NBEAL1: variants seen among roughly 807,000 people sequenced by gnomAD.
NBEAL1 encodes neurobeachin-like protein 1.
A neutral mutation model predicts 351.3 loss-of-function variants in NBEAL1; 273 were observed. That is an observed-to-expected ratio of 0.78 (90% CI 0.70 to 0.86). NBEAL1 has a LOEUF of 0.86. Among genes scored for constraint, NBEAL1 ranks in the 40% least tolerant of loss-of-function variants. The pLI, the probability that NBEAL1 is intolerant of heterozygous loss-of-function variation, is 0.00. For synonymous variants in NBEAL1, 1,050 were observed against 1,086.4 expected, an observed-to-expected ratio of 0.97 and a Z score of 0.66; for missense variants, 2,961 against 3,201.3, an observed-to-expected ratio of 0.92 and a Z score of 1.81.
intron 2 of NBEAL1, among the ~76,000 whole-genome samples, chr2:203,020,279 T>C (rs963338012): frequency 6.6e-6 from 1 of 152,232 alleles, no homozygotes; most frequent in Non-Finnish European, 1.5e-5. Flanking sequence ...TTTGTAAACC[T>C]TATGTTGTTA....
chr2:203,205,878 G>GA (rs1416927207), intron 51 of NBEAL1, among the ~76,000 whole-genome samples: 5 of 152,226 alleles, frequency 3.3e-5, no homozygotes, highest in African/African-American at 1.2e-4. Context: ...TACTCACAGG[G>GA]AAAGACAAAT....
intron 19 of NBEAL1, among the ~76,000 whole-genome samples, chr2:203,122,757 T>C (rs2062857268): frequency 6.6e-6 from 1 of 152,224 alleles, no homozygotes; most frequent in Non-Finnish European, 1.5e-5. Context: ...TTCTACTTAC[T>C]TTCCAAGACC....
chr2:203,058,025 G>A (rs924036692), intron 6 of NBEAL1, among the ~76,000 whole-genome samples: 1 of 151,648 alleles, frequency 6.6e-6, no homozygotes, highest in Non-Finnish European at 1.5e-5. Flanking sequence ...TATATTTTTA[G>A]TAGAGACGGG....
In NBEAL1 at chr2:203,056,445, A is replaced by G; in HGVS notation, c.324A>G (p.Glu108=). 1 of 1,546,586 alleles carries G rather than the reference A, an allele frequency of 6.5e-7. No homozygotes were observed. The highest frequency in any genetic ancestry group is 8.8e-7 in the Non-Finnish European group (1 of 1,141,104). Residue 108 remains glutamate (E), a synonymous_variant, in exon 5 of 56, where the codon GAA becomes GAG. Coordinates refer to ENST00000683969, the MANE Select transcript of NBEAL1 (RefSeq NM_001378026.1). ...IILCRNLSNV[E]EIGTCSYINY... is the part of the protein sequence containing the mutation. Reference sequence around the variant, plus strand: ...CTCACAGAAATCTATCAAATGTGGAAGAAATTGGGACTTGCTCGTACATTA... The same window carrying G: ...CTCACAGAAATCTATCAAATGTGGAGGAAATTGGGACTTGCTCGTACATTA...
intron 51 of NBEAL1, among the ~76,000 whole-genome samples, chr2:203,206,675 C>A (rs2065581061): frequency 6.6e-6 from 1 of 151,988 alleles, no homozygotes. Context: ...CCAGCCTCGG[C>A]CTCCCGAGGT....
intron 2 of NBEAL1, among the ~76,000 whole-genome samples, chr2:203,019,876 C>G (rs1004929212): frequency 6.6e-6 from 1 of 151,936 alleles, no homozygotes; most frequent in African/African-American, 2.4e-5. Context: ...TGACTAAAGT[C>G]CTTTAAGTAG....
intron 36 of NBEAL1, among the ~76,000 whole-genome samples, chr2:203,160,782 G>T (rs2063932078): frequency 2.6e-5 from 4 of 152,152 alleles, no homozygotes; most frequent in Admixed American, 1.3e-4. Flanking sequence ...TGCCAATGAC[G>T]TCTCTATTCA....
At chr2:203,093,258 A>G (rs112241739) in intron 10 of NBEAL1, among the ~76,000 whole-genome samples, 4,142 of 129,800 alleles carry the variant, frequency 0.032, 235 homozygotes, top group African/African-American at 0.11. Context: ...AAAAAAAAAA[A>G]GAATCTGCTT....
chr2:203,144,887 A>G lies in NBEAL1; in HGVS notation c.5136A>G (p.Gln1712=), dbSNP rs766519245. ...FQEYCNSNEW[Q]VYIEKYIVPY... ...AATATTGTAATTCAAATGAATGGCA[A>G]GTTTACATTGAAAAATATGTAAGTT... Residue 1712 remains glutamine (Q), a synonymous_variant, in exon 32 of 56, where the codon CAA becomes CAG. Coordinates refer to ENST00000683969, the MANE Select transcript of NBEAL1 (RefSeq NM_001378026.1). The G allele has an allele frequency of 3.1e-6, 5 of 1,589,410 alleles. No homozygotes were observed. Among genetic ancestry groups the G allele is most frequent in the Non-Finnish European group, 3.4e-6 (4 of 1,171,136 alleles).
intron 51 of NBEAL1, among the ~76,000 whole-genome samples, chr2:203,206,448 G>A (rs530493344): frequency 2.6e-5 from 4 of 151,204 alleles, no homozygotes; most frequent in East Asian, 3.9e-4. Flanking sequence ...TCTTTCCACC[G>A]TCTTCCTCTG....
At chr2:203,195,592 T>C (rs2065218919) in intron 47 of NBEAL1, among the ~76,000 whole-genome samples, 1 of 152,186 alleles carries the variant, frequency 6.6e-6, no homozygotes, top group African/African-American at 2.4e-5. Flanking sequence ...GTTGTAGTCA[T>C]GGCTAAGATT....
intron 48 of NBEAL1, among the ~76,000 whole-genome samples, 194 bp from the exon 49 acceptor site, chr2:203,199,144 A>G (rs145235539): frequency 2.0e-4 from 30 of 152,340 alleles, no homozygotes; most frequent in South Asian, 1.5e-3. Flanking sequence ...CCTGGCTCCA[A>G]AAATAAAAGA....
At chr2:203,216,336 T>C (rs1575142534) in intron 55 of NBEAL1, among the ~76,000 whole-genome samples, 1 of 152,186 alleles carries the variant, frequency 6.6e-6, no homozygotes, top group African/African-American at 2.4e-5. Flanking sequence ...AAAATTACTT[T>C]CTTTTCATCA....
At position 203,135,915 on chromosome 2, in the gene NBEAL1, C is replaced by T. The variant is rs1318624448; in HGVS notation, c.4052C>T (p.Ala1351Val). The T allele has an allele frequency of 6.2e-7, 1 of 1,614,060 alleles. No individual in the cohort carries two copies. The highest frequency in any genetic ancestry group is 8.5e-7 in the Non-Finnish European group (1 of 1,180,024). Residue 1351 changes from alanine to valine, a missense_variant, in exon 28 of 56, where the codon GCT becomes GTT. Physicochemically the swap from Ala to Val is moderately conservative, Grantham distance 64. Transcript: ENST00000683969. ...DEEKITSFAS[A>V]NVSSDQWSLE... Reference sequence around the variant, plus strand: ...GAAAAAATCACCTCTTTTGCCTCAGCTAATGTGTCTTCGGATCAGTGGAGT... The same window carrying T: ...GAAAAAATCACCTCTTTTGCCTCAGTTAATGTGTCTTCGGATCAGTGGAGT...
chr2:203,032,685 T>TTA (rs1410121533), intron 2 of NBEAL1, among the ~76,000 whole-genome samples: 1 of 145,306 alleles, frequency 6.9e-6, no homozygotes, highest in South Asian at 2.3e-4. Flanking sequence ...TTTTTTTTTT[T>TTA]AGACAGAGTC....
In NBEAL1 at chr2:203,217,261, AG is replaced by A. The variant is rs1448177073; in HGVS notation, c.8081del (p.Gly2694ValfsTer39). On this transcript the variant is annotated frameshift_variant, in exon 56 of 56. Coordinates refer to ENST00000683969, the MANE Select transcript of NBEAL1 (RefSeq NM_001378026.1). LOFTEE classifies it high-confidence loss of function. ...GVGKPAEMRS[G>X]QLSRKFWGSS... ...TGGATTACTTTACACAGATGCGTTC[AG>A]GTCAGCTTTCTCGAAAATTTTGGGG... The A allele has an allele frequency of 6.3e-7, 1 of 1,590,378 alleles. No homozygotes were observed. Among genetic ancestry groups the A allele is most frequent in the African/African-American group, 1.4e-5 (1 of 73,950 alleles).
intron 41 of NBEAL1, among the ~76,000 whole-genome samples, chr2:203,173,081 T>G (rs2064375121): frequency 6.6e-6 from 1 of 152,172 alleles, no homozygotes; most frequent in Non-Finnish European, 1.5e-5. Flanking sequence ...TAAATTGATA[T>G]TGCTCAGAAT....
chr2:203,075,462 T>C (rs909067090), intron 7 of NBEAL1, among the ~76,000 whole-genome samples: 7 of 152,232 alleles, frequency 4.6e-5, no homozygotes, highest in Non-Finnish European at 1.0e-4. Context: ...TCTGTCATCT[T>C]CTAGCTCTGT....
At chr2:203,048,830 T>C (rs1305666192) in intron 3 of NBEAL1, among the ~76,000 whole-genome samples, 2 of 151,992 alleles carry the variant, frequency 1.3e-5, no homozygotes, top group Non-Finnish European at 2.9e-5. Flanking sequence ...AATGTTGATA[T>C]ATTACTTTTT....
Sources: gnomAD v4.1 joint callset for allele counts (sites outside exome capture counted in the v4.1 genomes callset) on GRCh38, gnomAD v4.1.1 for gene constraint, MANE v1.5 for transcripts, NCBI Gene and HGNC (gene_info 2026-07-23, HGNC 2026-07-21) for gene names.